FBXL13: variants seen among roughly 807,000 people sequenced by gnomAD.
The protein encoded by FBXL13 is F-box and leucine-rich repeat protein 13.
FBXL13 carries 67 observed loss-of-function variants against 83.6 expected under a neutral mutation model. That is an observed-to-expected ratio of 0.80 (90% CI 0.66 to 0.98). FBXL13 has a LOEUF of 0.98. Among genes scored for constraint, FBXL13 ranks in the 50% least tolerant of loss-of-function variants. The probability of loss-of-function intolerance (pLI) is 0.00; values close to 1 mark genes in which losing one functional copy is unlikely to be tolerated. For synonymous variants in FBXL13, 272 were observed against 299.5 expected (o/e 0.91, Z 0.95); for missense variants, 822 against 866.5 (o/e 0.95, Z 0.64).
chr7:102,874,312 A>G (rs1301326215), intron 16 of FBXL13: 2 of 984,802 alleles, frequency 2.0e-6, no homozygotes, highest in Non-Finnish European at 2.4e-6. Flanking sequence ...TTTTAACTTC[A>G]CTGTTTGAGG....
At chr7:103,013,961 C>A (rs1470217440) in intron 6 of FBXL13, among the ~76,000 whole-genome samples, 1 of 152,090 alleles carries the variant, frequency 6.6e-6, no homozygotes, top group Admixed American at 6.6e-5. Context: ...TGTATTACCA[C>A]TGACCCCCCA....
chr7:102,854,377 G>A (rs922312604), intron 17 of FBXL13, among the ~76,000 whole-genome samples: 5 of 152,072 alleles, frequency 3.3e-5, no homozygotes, highest in Admixed American at 3.3e-4. Flanking sequence ...GTTGTGGGGT[G>A]GGGGGAGAGG....
intron 10 of FBXL13, among the ~76,000 whole-genome samples, chr7:102,914,080 A>G (rs1417962559): frequency 6.6e-6 from 1 of 152,110 alleles, no homozygotes; most frequent in Admixed American, 6.5e-5. Flanking sequence ...CTTTTTTTTG[A>G]GACGAAGTTT....
intron 8 of FBXL13, chr7:102,934,008 A>G (rs772707734): frequency 2.5e-6 from 4 of 1,614,114 alleles, no homozygotes; most frequent in Non-Finnish European, 3.4e-6. Flanking sequence ...CGAGTGAATC[A>G]TGGCCGGGCG....
At chr7:102,877,375 CAT>C in intron 16 of FBXL13, 90 bp downstream of exon 17, 1 of 1,058,800 alleles carries the variant, frequency 9.4e-7, no homozygotes, top group Non-Finnish European at 1.3e-6. Context: ...ACAAATAAAA[CAT>C]ATTATTGTTC....
intron 19 of FBXL13, among the ~76,000 whole-genome samples, chr7:102,816,605 A>G (rs1482700904): frequency 6.6e-6 from 1 of 152,162 alleles, no homozygotes; most frequent in Non-Finnish European, 1.5e-5. Context: ...GTGTGTTTGC[A>G]CACACGCACC....
intron 17 of FBXL13, among the ~76,000 whole-genome samples, chr7:102,837,400 A>G (rs1446456059): frequency 6.6e-6 from 1 of 152,240 alleles, no homozygotes; most frequent in East Asian, 1.9e-4. Context: ...CAAGGACCAA[A>G]ACAAATATTT....
chr7:103,071,572 A>C (rs1365971579), intron 1 of FBXL13, among the ~76,000 whole-genome samples: 1 of 93,950 alleles, frequency 1.1e-5, no homozygotes, highest in Admixed American at 1.1e-4. Context: ...TTTTTTTTTT[A>C]ATTTTTGTAC....
At chr7:103,055,590 A>C in intron 2 of FBXL13, 54 bp downstream of exon 2, 1 of 813,300 alleles carries the variant, frequency 1.2e-6, no homozygotes, top group Non-Finnish European at 1.7e-6. Flanking sequence ...TATGCAATAA[A>C]AGTTTTCCTT....
intron 6 of FBXL13, among the ~76,000 whole-genome samples, chr7:102,976,672 G>C (rs1369379847): frequency 1.3e-5 from 2 of 151,742 alleles, no homozygotes; most frequent in Non-Finnish European, 2.9e-5. Flanking sequence ...CCCTTAAAGA[G>C]CCCACCCAGT....
intron 6 of FBXL13, among the ~76,000 whole-genome samples, chr7:102,971,379 C>T (rs1369952652): frequency 1.3e-5 from 2 of 151,980 alleles, no homozygotes; most frequent in African/African-American, 4.8e-5. Context: ...AGGCAGATCA[C>T]CTAAGGTTGG....
At chr7:102,964,386 G>T (rs1825741459) in intron 7 of FBXL13, among the ~76,000 whole-genome samples, 2 of 140,014 alleles carry the variant, frequency 1.4e-5, no homozygotes, top group Admixed American at 1.4e-4. Flanking sequence ...ACACAATTTT[G>T]TGACTATATA....
rs376543227 is a variant in FBXL13 at position 102,816,735 on chromosome 7, A to G, written c.2019-3204T>C. On this transcript the variant is annotated intron_variant, in intron 19 of 19. Coordinates refer to ENST00000313221, the Ensembl canonical transcript of FBXL13. The stretch of plus-strand genomic sequence containing the variant: ...CAGCCAAATAGTGAACATAATGCCC[A>G]GTAGGTACTTTGTTAACCCTCGCCA... Among the ~76,000 whole-genome samples the G allele has an allele frequency of 4.6e-5, 7 of 152,340 alleles. No homozygotes were observed. The East Asian group carries it at 1.3e-3, about 29-fold the overall frequency.
At chr7:102,895,014 T>C (rs998992902) in intron 11 of FBXL13, among the ~76,000 whole-genome samples, 5 of 152,170 alleles carry the variant, frequency 3.3e-5, no homozygotes, top group African/African-American at 1.2e-4. Context: ...CCAGGTATTG[T>C]ATTATTTGCT....
intron 1 of FBXL13, among the ~76,000 whole-genome samples, chr7:103,066,916 C>A (rs146523613): frequency 0.011 from 1,674 of 150,992 alleles, 35 homozygotes; most frequent in African/African-American, 0.039. Flanking sequence ...CTCAGCCACT[C>A]GAGTAGCTGG....
intron 1 of FBXL13, among the ~76,000 whole-genome samples, chr7:103,061,813 C>T (rs1317823512): frequency 1.3e-5 from 2 of 151,724 alleles, no homozygotes; most frequent in African/African-American, 2.4e-5. Flanking sequence ...TGGCAGGCGC[C>T]GGTAGTCCCA....
chr7:102,951,500 C>G (rs1823398300), intron 8 of FBXL13, among the ~76,000 whole-genome samples: 1 of 151,520 alleles, frequency 6.6e-6, no homozygotes, highest in African/African-American at 2.4e-5. Flanking sequence ...AAACCCAAGT[C>G]AACCAGAATA....
chr7:102,836,112 C>T (rs972483548), intron 17 of FBXL13, among the ~76,000 whole-genome samples: 4 of 152,216 alleles, frequency 2.6e-5, no homozygotes, highest in African/African-American at 9.7e-5. Flanking sequence ...ATGTCTTGGA[C>T]TGCTCGAATC....
chr7:102,968,003 T>C lies in FBXL13; in HGVS notation c.591+19A>G, dbSNP rs1826180428. 3.2e-6 allele frequency: 5 copies of C among 1,582,424 alleles called. No individual in the cohort carries two copies. The highest frequency in any genetic ancestry group is 4.3e-6 in the Non-Finnish European group (5 of 1,151,740). On this transcript the variant is annotated intron_variant, in intron 7 of 19. Transcript: ENST00000313221. The stretch of plus-strand genomic sequence containing the variant: ...TTAAGAACTAGTGTAAAGACATAGT[T>C]CAGTTAGTATCTACTTACAGCATTC...
Sources: allele counts gnomAD v4.1 joint callset (sites outside exome capture counted in the v4.1 genomes callset), GRCh38; gene constraint gnomAD v4.1.1; transcripts MANE v1.5; gene names NCBI Gene and HGNC (gene_info 2026-07-23, HGNC 2026-07-21).